KNL1: variants seen among roughly 807,000 people sequenced by gnomAD.
The protein encoded by KNL1 is outer kinetochore KNL1 complex subunit KNL1.
KNL1 carries 66 observed loss-of-function variants against 201.3 expected under a neutral mutation model. That is an observed-to-expected ratio of 0.33 (90% CI 0.27 to 0.40). The LOEUF (loss-of-function observed/expected upper bound fraction) is 0.40, where lower values mean the gene tolerates loss of function less well. Ranked by LOEUF, KNL1 falls within the 10% of genes least tolerant of loss-of-function variation. The probability of loss-of-function intolerance (pLI) is 1.00; values close to 1 mark genes in which losing one functional copy is unlikely to be tolerated. For missense variants in KNL1, 2,815 were observed against 2,690.5 expected (o/e 1.05, Z -1.02); for synonymous variants, 895 against 899.2 (o/e 1.00, Z 0.08).
At chr15:40,619,729 A>G (rs989949798) in intron 9 of KNL1, among the ~76,000 whole-genome samples, 1 of 152,148 alleles carries the variant, frequency 6.6e-6, no homozygotes, top group African/African-American at 2.4e-5. Context: ...ATTAGCCATC[A>G]TGGGCTTATG....
rs142090052 is a variant in KNL1 at position 40,605,167 on chromosome 15, G to C, written c.75+18G>C. 1.5e-6 allele frequency: 2 copies of C among 1,347,580 alleles called. No individual in the cohort carries two copies. The highest frequency in any genetic ancestry group is 2.1e-6 in the Non-Finnish European group (2 of 938,392). The allele number at this position is 1,347,580 out of a possible 1,614,324, so 83.5% of individuals were successfully genotyped here. On this transcript the variant is annotated intron_variant, in intron 3 of 25. Transcript: ENST00000399668. ...ATTCTTCAGTAAGAAAGACTTTCTT[G>C]AATTAATAATTGTCAGCTTTTATTT...
At chr15:40,625,822 A>G in intron 10 of KNL1, 182 bp downstream of exon 10, 2 of 542,108 alleles carry the variant, frequency 3.7e-6, no homozygotes, top group South Asian at 2.6e-5. Context: ...ACTAACAGCT[A>G]GACTTCAAAG....
chr15:40,618,896 G>A (rs2141717159), intron 8 of KNL1, 63 bp from the exon 9 acceptor site: 1 of 1,071,048 alleles, frequency 9.3e-7, no homozygotes, highest in Non-Finnish European at 1.4e-6. Flanking sequence ...AAGAACCTAA[G>A]AAAAGGAAAA....
At position 40,630,398 on chromosome 15, in the gene KNL1, G is replaced by A. The variant is rs188334732; in HGVS notation, c.5682+1027G>A. Among the ~76,000 whole-genome samples, 453 of 152,204 alleles carry A rather than the reference G, an allele frequency of 3.0e-3. 11 individuals carry two copies. The highest frequency in any genetic ancestry group is 7.2e-4 in the Non-Finnish European group (49 of 68,002). On this transcript the variant is annotated intron_variant, in intron 13 of 25. Transcript: ENST00000399668. ...TCCAATACAATTAGAACTTATAAAA[G>A]AACCAAAACATTCTGAGATTCTTAG...
In KNL1 at chr15:40,594,305, GCTGT is replaced by G. The variant is rs1460461482; in HGVS notation, c.-100_-97del. The G allele has an allele frequency of 2.0e-5, 3 of 152,298 alleles. No individual in the cohort carries two copies. The highest frequency in any genetic ancestry group is 2.1e-4 in the South Asian group (1 of 4,838). 9.4% of individuals were successfully genotyped at this position (152,298 alleles called of 1,614,324 possible). On this transcript the variant is annotated 5_prime_UTR_variant, in exon 1 of 26. Transcript: ENST00000399668. ...CGTTGTGAGCGGACTGCTAGAGGCG[GCTGT>G]CTGTTTCCGCTCTAAGGAAACTCAG...
chr15:40,652,100 CAGTT>C lies in KNL1; in HGVS notation c.6411_6414del (p.Val2138LeufsTer22). Reference sequence around the variant, plus strand: ...CAACTCACCATCACCTTTGAAGAGTCAGTTGGTAAGGAGCCAAAGTGAGATAATT... The same window carrying C: ...CAACTCACCATCACCTTTGAAGAGTCGGTAAGGAGCCAAAGTGAGATAATT... On this transcript the variant is annotated frameshift_variant and splice_region_variant, in exon 21 of 26. Transcript: ENST00000399668. LOFTEE classifies it high-confidence loss of function. The C allele has an allele frequency of 6.2e-7, 1 of 1,607,822 alleles. No homozygotes were observed. Among genetic ancestry groups the C allele is most frequent in the Non-Finnish European group, 8.5e-7 (1 of 1,174,664 alleles).
chr15:40,640,071 CTTTTCTTTT>C (rs1169984089), intron 13 of KNL1, among the ~76,000 whole-genome samples: 3 of 144,422 alleles, frequency 2.1e-5, no homozygotes, highest in Non-Finnish European at 4.6e-5. Flanking sequence ...TTTTTCTTTT[CTTTTCTTTT>C]TTTTCTTTTT....
chr15:40,652,977 A>G (rs1474578655), intron 21 of KNL1, among the ~76,000 whole-genome samples: 2 of 152,050 alleles, frequency 1.3e-5, no homozygotes, highest in Non-Finnish European at 2.9e-5. Flanking sequence ...ATGGCCAACC[A>G]TGGGCAAACA....
rs905468139 is a variant in KNL1 at position 40,629,718 on chromosome 15, G to A, written c.5682+347G>A. ...GGGTTTCACCATATTGGCCAGGCTG[G>A]TCTTGAACTCCTGACCTCGTGACCC... is the stretch of plus-strand genomic sequence containing the variant. On this transcript the variant is annotated intron_variant, in intron 13 of 25. Transcript: ENST00000399668. Among the ~76,000 whole-genome samples, 4 of 151,726 alleles carry A rather than the reference G, an allele frequency of 2.6e-5. No individual in the cohort carries two copies. The East Asian group carries it at 5.8e-4, about 22-fold the overall frequency.
intron 21 of KNL1, among the ~76,000 whole-genome samples, chr15:40,652,768 A>AAT (rs1204731845): frequency 1.3e-5 from 2 of 151,698 alleles, no homozygotes; most frequent in South Asian, 4.2e-4. Flanking sequence ...CTCAAAAAAA[A>AAT]AAAAAAAAAA....
intron 13 of KNL1, among the ~76,000 whole-genome samples, chr15:40,630,703 T>G (rs1024956901): frequency 2.0e-5 from 3 of 152,218 alleles, no homozygotes; most frequent in Admixed American, 2.0e-4. Flanking sequence ...GATCTGTCAG[T>G]GCCTCCCCAC....
chr15:40,661,619 G>GTAA (rs1893911585), intron 25 of KNL1, among the ~76,000 whole-genome samples: 1 of 152,224 alleles, frequency 6.6e-6, no homozygotes, highest in Admixed American at 6.5e-5. Context: ...CTTAGGCCCT[G>GTAA]TTTTGGAATC....
intron 9 of KNL1, among the ~76,000 whole-genome samples, chr15:40,619,822 G>T (rs1346984611): frequency 6.6e-6 from 1 of 152,148 alleles, no homozygotes; most frequent in Non-Finnish European, 1.5e-5. Flanking sequence ...TACATTTGGT[G>T]CTGTCAGTGT....
chr15:40,629,422 A>T, intron 13 of KNL1, 51 bp downstream of exon 13: 1 of 1,289,686 alleles, frequency 7.8e-7, no homozygotes, highest in Admixed American at 2.3e-5. Context: ...ACATTTATTT[A>T]AAAGCACAAA....
intron 9 of KNL1, among the ~76,000 whole-genome samples, chr15:40,619,651 G>C (rs1350556227): frequency 6.6e-6 from 1 of 152,022 alleles, no homozygotes; most frequent in Non-Finnish European, 1.5e-5. Context: ...GGATCTTTCT[G>C]CCTTGGCTTC....
At chr15:40,600,931 T>C (rs915703665) in intron 1 of KNL1, among the ~76,000 whole-genome samples, 1 of 152,242 alleles carries the variant, frequency 6.6e-6, no homozygotes, top group African/African-American at 2.4e-5. Flanking sequence ...TAAGGTGCTA[T>C]TTTCATGTGT....
chr15:40,594,657 C>G (rs1891568835), intron 1 of KNL1, among the ~76,000 whole-genome samples: 2 of 152,226 alleles, frequency 1.3e-5, no homozygotes, highest in Admixed American at 1.3e-4. Flanking sequence ...GCTCGGGTTG[C>G]TTGTCCGTCG....
intron 7 of KNL1, among the ~76,000 whole-genome samples, chr15:40,613,867 G>T (rs1211149231): frequency 6.6e-6 from 1 of 151,758 alleles, no homozygotes; most frequent in Non-Finnish European, 1.5e-5. Context: ...GCGCCATCTC[G>T]GCCCACTGCA....
chr15:40,656,204 G>A (rs181123343), intron 22 of KNL1, among the ~76,000 whole-genome samples: 1 of 152,202 alleles, frequency 6.6e-6, no homozygotes, highest in East Asian at 1.9e-4. Context: ...ACCAAGGCGG[G>A]CGGATCACTG....
Sources: allele counts gnomAD v4.1 joint callset (sites outside exome capture counted in the v4.1 genomes callset), GRCh38; gene constraint gnomAD v4.1.1; transcripts MANE v1.5; gene names NCBI Gene and HGNC (gene_info 2026-07-23, HGNC 2026-07-21).